Variants in SLC12A3 observed in about 807,000 individuals in gnomAD.
SLC12A3 encodes solute carrier family 12 member 3.
Under a neutral mutation model 121.0 loss-of-function variants are expected in SLC12A3, and 104 were observed. That is an observed-to-expected ratio of 0.86 (90% CI 0.73 to 1.01). The LOEUF (loss-of-function observed/expected upper bound fraction) is 1.01, where lower values mean the gene tolerates loss of function less well. Among genes scored for constraint, SLC12A3 ranks in the 50% least tolerant of loss-of-function variants. The pLI is 0.00. For synonymous variants in SLC12A3, 536 were observed against 533.4 expected (o/e 1.00, Z -0.07); for missense variants, 1,328 against 1,356.3 (o/e 0.98, Z 0.33).
At chr16:56,879,454 C>A in intron 10 of SLC12A3, 88 bp from the exon 11 acceptor site, 1 of 1,213,644 alleles carries the variant, frequency 8.2e-7, no homozygotes, top group East Asian at 2.4e-5. Context: ...GGACCCAGCC[C>A]CTGCCCGCAG....
At chr16:56,886,303 G>C (rs937123972) in intron 15 of SLC12A3, 61 bp from the exon 16 acceptor site, 2 of 1,297,618 alleles carry the variant, frequency 1.5e-6, no homozygotes, top group African/African-American at 2.9e-5. Flanking sequence ...GGTGCCTTTC[G>C]CACCCAGACC....
rs201650578 is a variant in SLC12A3, at chr16:56,868,372, G to T, written c.505G>T (p.Val169Phe). ...LPWITAQAGI[V>F]LTWIIILLSV... ...CTGGATTACGGCCCAGGCAGGCATC[G>T]GTGAGTGCCCCTCTGGGGAAGAGGA... The change falls in exon 3 of 26, where the codon GTC becomes TTC. Residue 169 changes from valine to phenylalanine, a missense_variant and splice_region_variant. By Grantham distance (50) the Val-to-Phe change is conservative (BLOSUM62 -1). Transcript: ENST00000563236. The T allele has an allele frequency of 6.2e-7, 1 of 1,611,550 alleles. No homozygotes were observed. The highest frequency in any genetic ancestry group is 1.3e-5 in the African/African-American group (1 of 74,872).
chr16:56,898,416 G>A (rs1436018362), intron 22 of SLC12A3, among the ~76,000 whole-genome samples: 3 of 151,998 alleles, frequency 2.0e-5, no homozygotes, highest in African/African-American at 4.8e-5. Flanking sequence ...CTGCTACCAC[G>A]GCCGGCTAAT....
chr16:56,877,726 C>T (rs2055181248), intron 8 of SLC12A3, among the ~76,000 whole-genome samples: 1 of 152,236 alleles, frequency 6.6e-6, no homozygotes. Context: ...CACCCTGCCC[C>T]CACCCTTACC....
rs555826032 is a variant in SLC12A3 at position 56,869,243 on chromosome 16, G to T, written c.506-486G>T. 5.3e-5 allele frequency among the ~76,000 whole-genome samples: 8 copies of T among 152,234 alleles called. No individual in the cohort carries two copies. The East Asian group carries it at 1.5e-3, about 29-fold the overall frequency. On this transcript the variant is annotated intron_variant, in intron 3 of 25. Coordinates refer to ENST00000563236, the MANE Select transcript of SLC12A3 (RefSeq NM_001126108.2). Reference sequence around the variant, plus strand: ...ACTTTATTTTTTATTATTAAACGAGGGTAGCTTCCCCTCCATACCTAACAA... The same window carrying T: ...ACTTTATTTTTTATTATTAAACGAGTGTAGCTTCCCCTCCATACCTAACAA...
chr16:56,872,372 G>A lies in SLC12A3; in HGVS notation c.874G>A (p.Val292Ile), dbSNP rs143916526. 24 of 1,613,864 alleles carry A rather than the reference G, an allele frequency of 1.5e-5. No individual in the cohort carries two copies. The highest frequency in any genetic ancestry group is 1.9e-5 in the Non-Finnish European group (22 of 1,179,950). The change falls in exon 7 of 26, where the codon GTC (valine) becomes ATC (isoleucine). Residue 292 changes from valine to isoleucine, a missense_variant. Physicochemically the swap from Val to Ile is conservative, Grantham distance 29. Transcript: ENST00000563236. ...ESKAQVLFFL[V>I]IMVSFANYLV... ...CCAGGCCCAGGTGCTGTTCTTCCTTGTCATCATGGTCTCCTTTGCCAACTA... is the reference window on the plus strand; with the variant it reads ...CCAGGCCCAGGTGCTGTTCTTCCTTATCATCATGGTCTCCTTTGCCAACTA...
chr16:56,870,840 C>CTTTT, intron 6 of SLC12A3, 104 bp downstream of exon 6: 1 of 568,532 alleles, frequency 1.8e-6, no homozygotes, highest in Non-Finnish European at 3.1e-6. Flanking sequence ...TTTTTCTTTT[C>CTTTT]TTTTTTTTTT....
chr16:56,866,764 G>T (rs2144681247), intron 1 of SLC12A3, among the ~76,000 whole-genome samples: 1 of 152,216 alleles, frequency 6.6e-6, no homozygotes, highest in East Asian at 1.9e-4. Context: ...ACACCACCAT[G>T]CCCAGCTAAT....
intron 13 of SLC12A3, among the ~76,000 whole-genome samples, chr16:56,883,279 C>CTTT (rs71152216): frequency 1.2e-4 from 14 of 119,548 alleles, no homozygotes; most frequent in East Asian, 2.4e-4. Flanking sequence ...CTTTTTCTTT[C>CTTT]TTTTTTTTTT....
intron 11 of SLC12A3, 121 bp downstream of exon 11, chr16:56,879,770 T>A: frequency 1.3e-6 from 1 of 757,290 alleles, no homozygotes; most frequent in Non-Finnish European, 2.3e-6. Context: ...CTGGGGTCTC[T>A]AGCCAGAAGG....
At chr16:56,887,295 C>G (rs1483506865) in intron 17 of SLC12A3, among the ~76,000 whole-genome samples, 2 of 152,054 alleles carry the variant, frequency 1.3e-5, no homozygotes, top group Non-Finnish European at 2.9e-5. Flanking sequence ...ACCTCCGCCT[C>G]CCGGGTTCAA....
intron 23 of SLC12A3, 90 bp downstream of exon 23, chr16:56,899,706 T>C (rs2055512749): frequency 2.2e-6 from 2 of 924,106 alleles, no homozygotes; most frequent in South Asian, 1.3e-5. Flanking sequence ...CTTGGTAGAC[T>C]AGGAGCAAGG....
At chr16:56,877,971 C>T in intron 8 of SLC12A3, 106 bp from the exon 9 acceptor site, 1 of 704,132 alleles carries the variant, frequency 1.4e-6, no homozygotes, top group Non-Finnish European at 2.4e-6. Context: ...CAGCCTTAGA[C>T]AAGGAGGACA....
intron 1 of SLC12A3, 93 bp downstream of exon 1, chr16:56,865,610 C>T (rs1203430465): frequency 7.9e-6 from 11 of 1,392,040 alleles, no homozygotes; most frequent in African/African-American, 1.4e-5. Context: ...GTCATCTGTG[C>T]CATGGGGATG....
chr16:56,912,141 T>G (rs1321456938), intron 25 of SLC12A3, among the ~76,000 whole-genome samples: 3 of 152,202 alleles, frequency 2.0e-5, no homozygotes, highest in African/African-American at 7.2e-5. Flanking sequence ...CAGGGGGATG[T>G]ACTTGGGGAA....
In SLC12A3 at chr16:56,865,649, G is replaced by A. The variant is rs1225425050; in HGVS notation, c.282+132G>A. ...GAGCGTCTTCTTCCTGGGTTGAGAG[G>A]CCCCAGTGAAATAGTGGAGCTGCAG... is the stretch of plus-strand genomic sequence containing the variant. On this transcript the variant is annotated intron_variant, in intron 1 of 25. Coordinates refer to ENST00000563236, the MANE Select transcript of SLC12A3 (RefSeq NM_001126108.2). 3 of 1,000,662 alleles carry A rather than the reference G, an allele frequency of 3.0e-6. No homozygotes were observed. In the Admixed American group the frequency reaches 5.9e-5, roughly 20 times the overall value. The allele number at this position is 1,000,662 out of a possible 1,614,324, so 62.0% of individuals were successfully genotyped here.
chr16:56,891,504 C>T (rs548015414), intron 19 of SLC12A3, among the ~76,000 whole-genome samples: 66 of 152,158 alleles, frequency 4.3e-4, no homozygotes, highest in African/African-American at 1.4e-3. Context: ...GAGCTGGGTC[C>T]GTTCATTTGT....
rs769208853 is a variant in SLC12A3 at position 56,870,731 on chromosome 16, T to A, written c.847T>A (p.Ser283Thr). The change falls in exon 6 of 26, where the codon TCC becomes ACC. Residue 283 changes from serine (S) to threonine (T), a missense_variant. Ser to Thr is a moderately conservative substitution (Grantham distance 58, BLOSUM62 1). Transcript: ENST00000563236. ...CTCCCTGGCTGGCATGGAGTGGGAG[T>A]CCAAGGTGAGGAGGCCATGGAGGAG... ...AISLAGMEWE[S>T]KAQVLFFLVI... The A allele has an allele frequency of 2.3e-5, 37 of 1,607,412 alleles. No individual in the cohort carries two copies. The highest frequency in any genetic ancestry group is 3.0e-5 in the Non-Finnish European group (35 of 1,174,380).
intron 23 of SLC12A3, among the ~76,000 whole-genome samples, chr16:56,900,339 CAA>C (rs749746173): frequency 2.6e-5 from 4 of 152,040 alleles, no homozygotes; most frequent in Non-Finnish European, 5.9e-5. Flanking sequence ...TGGTGAAAGC[CAA>C]GGGCAGTTGC....
Sources: gnomAD v4.1 joint callset for allele counts (sites outside exome capture counted in the v4.1 genomes callset) on GRCh38, gnomAD v4.1.1 for gene constraint, MANE v1.5 for transcripts, NCBI Gene and HGNC (gene_info 2026-07-23, HGNC 2026-07-21) for gene names.